Variants in TCTN1 observed in about 807,000 individuals in gnomAD.
The protein encoded by TCTN1 is tectonic family member 1.
In TCTN1, 58 loss-of-function variants were observed where a neutral mutation model predicts 65.8. The observed-to-expected ratio is 0.88, with a 90% CI of 0.71 to 1.10. The LOEUF (loss-of-function observed/expected upper bound fraction) is 1.10. Ranked by LOEUF, TCTN1 falls within the 50% of genes least tolerant of loss-of-function variation. TCTN1 has a pLI of 0.00. For missense variants in TCTN1, 645 were observed against 719.4 expected (o/e 0.90, Z 1.18); for synonymous variants, 273 against 289.1 (o/e 0.94, Z 0.57).
chr12:110,641,345 C>CAAAAGGAATCTT (rs2066939561), intron 9 of TCTN1, among the ~76,000 whole-genome samples, 196 bp downstream of exon 9: 1 of 152,166 alleles, frequency 6.6e-6, no homozygotes, highest in African/African-American at 2.4e-5. Flanking sequence ...AAAAGATTCC[C>CAAAAGGAATCTT]TTCCACATTA....
chr12:110,622,557 G>A (rs546238363), intron 2 of TCTN1, among the ~76,000 whole-genome samples: 1 of 152,308 alleles, frequency 6.6e-6, no homozygotes, highest in African/African-American at 2.4e-5. Context: ...TGAAGGACAC[G>A]TGGAAGATGG....
intron 12 of TCTN1, 33 bp from the exon 13 acceptor site, chr12:110,647,163 T>G: frequency 6.2e-7 from 1 of 1,613,958 alleles, no homozygotes; most frequent in East Asian, 2.2e-5. Flanking sequence ...TAAGTCTGAC[T>G]TGCAGTTTTG....
chr12:110,631,386 C>A (rs572021081), intron 4 of TCTN1, among the ~76,000 whole-genome samples: 14 of 151,528 alleles, frequency 9.2e-5, no homozygotes, highest in Admixed American at 3.9e-4. Context: ...ATAATCCCAG[C>A]ACTTTGGGAG....
intron 1 of TCTN1, among the ~76,000 whole-genome samples, chr12:110,618,415 A>G (rs1162545648): frequency 6.6e-6 from 1 of 151,882 alleles, no homozygotes; most frequent in South Asian, 2.1e-4. Flanking sequence ...TAGTTTTTAT[A>G]TTGTTAGTAG....
chr12:110,647,846 C>T lies in TCTN1; in HGVS notation c.1733C>T (p.Ala578Val). Reference protein sequence around the residue: ...PAEAGFRAPPAINARLPFNFF... With the variant: ...PAEAGFRAPPVINARLPFNFF... The stretch of plus-strand genomic sequence containing the variant: ...GAGGCAGGCTTCAGAGCTCCACCAG[C>T]CATCAATGCCAGGCTGCCCTTTAAC... The change falls in exon 14 of 15, where the codon GCC becomes GTC. Residue 578 changes from alanine (A) to valine (V), a missense_variant. Transcript: ENST00000397659. The T allele has an allele frequency of 3.1e-6, 5 of 1,614,178 alleles. No individual in the cohort carries two copies. Among genetic ancestry groups the T allele is most frequent in the Non-Finnish European group, 4.2e-6 (5 of 1,180,050 alleles).
At chr12:110,634,648 T>G in intron 5 of TCTN1, 22 bp from the exon 6 acceptor site, 1 of 1,569,476 alleles carries the variant, frequency 6.4e-7, no homozygotes, top group Non-Finnish European at 8.7e-7. Context: ...TTTTTTTCCT[T>G]GGGAATGTTA....
chr12:110,625,214 A>T (rs2065750658), intron 2 of TCTN1, among the ~76,000 whole-genome samples: 1 of 152,214 alleles, frequency 6.6e-6, no homozygotes, highest in African/African-American at 2.4e-5. Context: ...GTTCTTGACA[A>T]GATTTCCTTA....
At chr12:110,628,248 C>A in intron 3 of TCTN1, 1 of 1,534,938 alleles carries the variant, frequency 6.5e-7, no homozygotes, top group Non-Finnish European at 8.7e-7. Context: ...ACTATTACTT[C>A]CCCATTATTA....
At position 110,614,506 on chromosome 12, in the gene TCTN1, C is replaced by T. The variant is rs559843044; in HGVS notation, c.220+104C>T. 22 of 1,537,512 alleles carry T rather than the reference C, an allele frequency of 1.4e-5. No homozygotes were observed. The South Asian group carries it at 2.6e-4, about 18-fold the overall frequency. ...ATAGCTAACTCTTATTGAGCACTTA[C>T]TGTGTGCAGACACTGCTGAGTGTTC... On this transcript the variant is annotated intron_variant, in intron 1 of 14. Coordinates refer to ENST00000397659, the MANE Select transcript of TCTN1 (RefSeq NM_001082538.3).
In TCTN1 at chr12:110,647,232, G is replaced by A. The variant is rs369125553; in HGVS notation, c.1531G>A (p.Ala511Thr). 2.7e-5 allele frequency: 44 copies of A among 1,614,148 alleles called. No homozygotes were observed. In the African/African-American group the frequency reaches 5.3e-4, roughly 20 times the overall value. The change falls in exon 13 of 15, where the codon GCT becomes ACT. Residue 511 changes from alanine (A) to threonine (T), a missense_variant. Transcript: ENST00000397659. ...GCAGGATTCCTGCCAGCTCCCAGGG[G>A]CTTTGGTTATAGAAGTGAAGTGGAC... ...VLQDSCQLPGALVIEVKWTKY... is the reference protein window; with the variant it reads ...VLQDSCQLPGTLVIEVKWTKY...
At position 110,642,341 on chromosome 12, in the gene TCTN1, G is replaced by A. The variant is rs369266915; in HGVS notation, c.1283G>A (p.Arg428Gln). 2.4e-5 allele frequency: 38 copies of A among 1,614,016 alleles called. No homozygotes were observed. The highest frequency in any genetic ancestry group is 2.0e-4 in the Admixed American group (12 of 60,002). ...GACTGCTTAGCACTGGAGGGGGTCC[G>A]GACCCCAGTATTATTTGGTTACACT... The part of the protein sequence containing the change: ...EQDCLALEGV[R>Q]TPVLFGYTMQ... Residue 428 changes from arginine (R) to glutamine (Q), a missense_variant, in exon 11 of 15, where the codon CGG (arginine) becomes CAG (glutamine). Arg to Gln is a conservative substitution (Grantham distance 43). Transcript: ENST00000397659.
chr12:110,621,477 T>A (rs911939206), intron 2 of TCTN1, among the ~76,000 whole-genome samples: 2 of 141,402 alleles, frequency 1.4e-5, no homozygotes, highest in African/African-American at 5.3e-5. Flanking sequence ...CTTGGGGCTA[T>A]TTTTTTTTTT....
intron 5 of TCTN1, among the ~76,000 whole-genome samples, chr12:110,632,939 C>T (rs563191542): frequency 1.3e-5 from 2 of 152,336 alleles, no homozygotes; most frequent in East Asian, 3.9e-4. Context: ...TTATTAAGCA[C>T]ATATTGTGTG....
At chr12:110,614,591 G>A (rs902543266) in intron 1 of TCTN1, 189 bp downstream of exon 1, 1 of 1,231,626 alleles carries the variant, frequency 8.1e-7, no homozygotes, top group African/African-American at 1.5e-5. Flanking sequence ...TCACTGTCAG[G>A]TAAATGAGAA....
Position 110,622,294 on chromosome 12 carries a change from C to A in TCTN1, c.341+2338C>A, listed in dbSNP as rs1194896464. On this transcript the variant is annotated intron_variant, in intron 2 of 14. Coordinates refer to ENST00000397659, the MANE Select transcript of TCTN1 (RefSeq NM_001082538.3). ...CTGGAGGCTCCCCTGACCCTTGCCT[C>A]TTCCTTTCCTTTTCCTGTCTCAGCA... is the stretch of plus-strand genomic sequence containing the variant. Among the ~76,000 whole-genome samples, 2 of 152,130 alleles carry A rather than the reference C, an allele frequency of 1.3e-5. 1 individual carries two copies. The highest frequency in any genetic ancestry group is 4.8e-5 in the African/African-American group (2 of 41,412).
At position 110,626,386 on chromosome 12, in the gene TCTN1, A is replaced by G. The variant is rs2065843148; in HGVS notation, c.366A>G (p.Gln122=). 1.3e-6 allele frequency: 2 copies of G among 1,594,736 alleles called. No homozygotes were observed. Among genetic ancestry groups the G allele is most frequent in the Non-Finnish European group, 1.7e-6 (2 of 1,168,042 alleles). Residue 122 remains glutamine (Q), a synonymous_variant, in exon 3 of 15, where the codon CAA becomes CAG. Transcript: ENST00000397659. ...GGGGCGACAGCCAGTTTTGTAGTCA[A>G]AAAGCAGTCATCTATTCATTGAATT... ...VVTGDSQFCS[Q]KAVIYSLNFT... is the part of the protein sequence containing the mutation.
At chr12:110,615,198 T>C (rs372557410) in intron 1 of TCTN1, among the ~76,000 whole-genome samples, 8 of 152,060 alleles carry the variant, frequency 5.3e-5, no homozygotes, top group East Asian at 3.9e-4. Flanking sequence ...GAGACTCGCT[T>C]GAACCCAGGA....
At chr12:110,629,144 A>G (rs2066054410) in intron 4 of TCTN1, 1 of 613,124 alleles carries the variant, frequency 1.6e-6, no homozygotes, top group African/African-American at 1.8e-5. Context: ...TACAAACCCT[A>G]GAAGAAAACC....
chr12:110,642,105 C>A, intron 10 of TCTN1, 144 bp from the exon 11 acceptor site: 2 of 1,051,498 alleles, frequency 1.9e-6, no homozygotes, highest in Non-Finnish European at 2.8e-6. Flanking sequence ...TTTTTGCCTG[C>A]TCCTGGGAAA....
Sources: gnomAD v4.1 joint callset for allele counts (sites outside exome capture counted in the v4.1 genomes callset) on GRCh38, gnomAD v4.1.1 for gene constraint, MANE v1.5 for transcripts, NCBI Gene and HGNC (gene_info 2026-07-23, HGNC 2026-07-21) for gene names.